TUBG2: variants seen among roughly 807,000 people sequenced by gnomAD.
The protein encoded by TUBG2 is tubulin gamma-2 chain.
In TUBG2, 39 loss-of-function variants were observed where a neutral mutation model predicts 55.1. That is an observed-to-expected ratio of 0.71 (90% CI 0.55 to 0.93). The LOEUF is 0.93. Ranked by LOEUF, TUBG2 falls within the 40% of genes least tolerant of loss-of-function variation. The probability of loss-of-function intolerance (pLI) is 0.00; values close to 1 mark genes in which losing one functional copy is unlikely to be tolerated. For synonymous variants in TUBG2, 223 were observed against 241.0 expected, an observed-to-expected ratio of 0.93 and a Z score of 0.69; for missense variants, 358 against 599.1, an observed-to-expected ratio of 0.60 and a Z score of 4.20.
In TUBG2 at chr17:42,666,450, G is replaced by A. The variant is rs778934593; in HGVS notation, c.1124G>A (p.Gly375Glu). 2.0e-5 allele frequency: 32 copies of A among 1,614,028 alleles called. No individual in the cohort carries two copies. The highest frequency in any genetic ancestry group is 2.6e-5 in the Non-Finnish European group (31 of 1,179,992). The change falls in exon 10 of 11, where the codon GGG becomes GAG. Residue 375 changes from glycine (G) to glutamate (E), a missense_variant. By Grantham distance (98) the Gly-to-Glu change is moderately conservative (BLOSUM62 -2). Around this residue, in one of 8 missense-constraint regions of TUBG2, gnomAD observed 129 missense variants for 251.6 expected, o/e 0.51. Transcript: ENST00000251412. ...PYLPSAHRVS[G>E]LMMANHTSIS... ...CTGCCCTCGGCCCACCGGGTCAGCGGGCTCATGATGGCCAACCACACCAGC... is the reference window on the plus strand; with the variant it reads ...CTGCCCTCGGCCCACCGGGTCAGCGAGCTCATGATGGCCAACCACACCAGC...
intron 6 of TUBG2, 104 bp from the exon 7 acceptor site, chr17:42,665,372 C>T (rs1288072915): frequency 2.8e-5 from 44 of 1,568,026 alleles, no homozygotes; most frequent in Non-Finnish European, 3.5e-5. Context: ...TTTAAACTAA[C>T]AAACCTACTT....
chr17:42,663,703 G>T (rs890211841), intron 6 of TUBG2, among the ~76,000 whole-genome samples, 200 bp downstream of exon 6: 2 of 152,138 alleles, frequency 1.3e-5, no homozygotes, highest in African/African-American at 4.8e-5. Flanking sequence ...CAGCACTTTG[G>T]GAGGCTGAGA....
intron 5 of TUBG2, 33 bp from the exon 6 acceptor site, chr17:42,663,344 G>T (rs372444492): frequency 6.2e-7 from 1 of 1,613,080 alleles, no homozygotes; most frequent in Non-Finnish European, 8.5e-7. Context: ...GGGTCCTTCC[G>T]GTTCACTATG....
At chr17:42,660,418 A>C in intron 3 of TUBG2, 102 bp downstream of exon 3, 5 of 1,563,528 alleles carry the variant, frequency 3.2e-6, no homozygotes, top group Non-Finnish European at 4.4e-6. Flanking sequence ...AATAAGAGAC[A>C]AAAGGATGTC....
At position 42,659,578 on chromosome 17, in the gene TUBG2, C is replaced by CG. The variant is rs772112531; in HGVS notation, c.49+28dup. 95 of 1,540,700 alleles carry CG rather than the reference C, an allele frequency of 6.2e-5. No homozygotes were observed. The African/African-American group carries it at 1.3e-3, about 21-fold the overall frequency. On this transcript the variant is annotated intron_variant, in intron 1 of 10. Coordinates refer to ENST00000251412, the MANE Select transcript of TUBG2 (RefSeq NM_016437.3). The stretch of plus-strand genomic sequence containing the variant: ...GTGAGCAAGCGAGCGCCGGCCCCGC[C>CG]GGTCTCTGGTTCTGCCCCTTCGGGT...
chr17:42,663,492 G>T lies in TUBG2; in HGVS notation c.595G>T (p.Ala199Ser). Residue 199 changes from alanine to serine, a missense_variant, in exon 6 of 11, where the codon GCA (alanine) becomes TCA (serine). Ala to Ser is a moderately conservative substitution (Grantham distance 99). This residue lies in a region of TUBG2 where 52 missense variants were observed against 53.8 expected (regional missense o/e 0.97). Transcript: ENST00000251412. ...GACACTCAAGAGGCTGACGCAGAAC[G>T]CAGATTGTGTGGTGAGCAAAGAAAG... ...LLTLKRLTQN[A>S]DCVVVLDNTA... 1 of 1,613,928 alleles carries T rather than the reference G, an allele frequency of 6.2e-7. No homozygotes were observed. Among genetic ancestry groups the T allele is most frequent in the East Asian group, 2.2e-5 (1 of 44,878 alleles).
At position 42,663,389 on chromosome 17, in the gene TUBG2, G is replaced by A. The variant is rs1567947090; in HGVS notation, c.492G>A (p.Lys164=). The A allele has an allele frequency of 6.2e-7, 1 of 1,614,136 alleles. No individual in the cohort carries two copies. The highest frequency in any genetic ancestry group is 8.5e-7 in the Non-Finnish European group (1 of 1,180,014). ...TCTTTTCTCTCAGGTACCCCAAGAA[G>A]CTAGTGCAGACTTATTCAGTGTTTC... ...LERLNDRYPK[K]LVQTYSVFPY... The change falls in exon 6 of 11, where the codon AAG becomes AAA. Residue 164 remains lysine, a synonymous_variant. Coordinates refer to ENST00000251412, the MANE Select transcript of TUBG2 (RefSeq NM_016437.3).
At position 42,665,921 on chromosome 17, in the gene TUBG2, G is replaced by A. The variant is rs921204712; in HGVS notation, c.843+94G>A. On this transcript the variant is annotated intron_variant, in intron 8 of 10. Coordinates refer to ENST00000251412, the MANE Select transcript of TUBG2 (RefSeq NM_016437.3). ...TCTCTTCCCCACTGCCCCAGGAGCT[G>A]CCCTTTGCAGGCCCCAAGGCACTGC... 6.6e-5 allele frequency: 105 copies of A among 1,592,976 alleles called. No homozygotes were observed. The South Asian group carries it at 1.0e-3, about 15-fold the overall frequency.
chr17:42,661,195 A>T (rs568817812), intron 4 of TUBG2: 2 of 162,244 alleles, frequency 1.2e-5, no homozygotes, highest in African/African-American at 4.8e-5. Context: ...TTGGTTTCTG[A>T]AACAGCTCCA....
chr17:42,660,640 G>T lies in TUBG2; in HGVS notation c.332G>T (p.Gly111Val). Residue 111 changes from glycine (G) to valine (V), a missense_variant and splice_region_variant, in exon 4 of 11, where the codon GGT (glycine) becomes GTT (valine). Transcript: ENST00000251412. The stretch of plus-strand genomic sequence containing the variant: ...CTCCCTTTCCATATCTCTATACAGG[G>T]TGAGAAAATTCATGAAGACATCTTT... ...GNNWASGFSQ[G>V]EKIHEDIFDI... 2 of 1,614,014 alleles carry T rather than the reference G, an allele frequency of 1.2e-6. No individual in the cohort carries two copies. Among genetic ancestry groups the T allele is most frequent in the African/African-American group, 1.3e-5 (1 of 75,020 alleles).
chr17:42,665,584 C>T (rs780532543), intron 7 of TUBG2, 22 bp downstream of exon 7: 2 of 1,614,174 alleles, frequency 1.2e-6, no homozygotes, highest in South Asian at 2.2e-5. Flanking sequence ...CTCCCGGACT[C>T]CTTTGGACTG....
chr17:42,666,224 G>A lies in TUBG2; in HGVS notation c.981G>A (p.Glu327=). 2 of 1,613,984 alleles carry A rather than the reference G, an allele frequency of 1.2e-6. No homozygotes were observed. Among genetic ancestry groups the A allele is most frequent in the African/African-American group, 1.3e-5 (1 of 75,056 alleles). ...CCATCCTCAACATCATCCAGGGAGA[G>A]GTGGACCCCACCCAGGTAGGGGAGG... is the stretch of plus-strand genomic sequence containing the variant. ...YIAILNIIQG[E]VDPTQVHKSL... The change falls in exon 9 of 11, where the codon GAG becomes GAA. Residue 327 remains glutamate, a synonymous_variant. Transcript: ENST00000251412.
chr17:42,663,420 C>T lies in TUBG2; in HGVS notation c.523C>T (p.Gln175Ter), dbSNP rs2052437576. 3 of 1,613,986 alleles carry T rather than the reference C, an allele frequency of 1.9e-6. No homozygotes were observed. In the East Asian group the frequency reaches 6.7e-5, roughly 36 times the overall value. Residue 175 changes from glutamine (Q) to a stop codon, truncating the protein, a stop_gained, in exon 6 of 11, where the codon CAG (glutamine) becomes TAG (stop). Transcript: ENST00000251412. LOFTEE classifies it high-confidence loss of function. ...GCAGACTTATTCAGTGTTTCCCTACCAGGACGAGATGAGCGACGTAGTGGT... is the reference window on the plus strand; with the variant it reads ...GCAGACTTATTCAGTGTTTCCCTACTAGGACGAGATGAGCGACGTAGTGGT... ...LVQTYSVFPY[Q>*]DEMSDVVVQP... is the part of the protein sequence containing the mutation.
intron 6 of TUBG2, among the ~76,000 whole-genome samples, chr17:42,665,141 G>A (rs752007447): frequency 2.6e-5 from 4 of 151,918 alleles, no homozygotes; most frequent in African/African-American, 7.3e-5. Context: ...TCCGCCTCCC[G>A]GGTTCATGCC....
At chr17:42,659,697 T>C (rs1483898632) in intron 1 of TUBG2, 137 bp from the exon 2 acceptor site, 6 of 1,360,344 alleles carry the variant, frequency 4.4e-6, no homozygotes, top group East Asian at 2.5e-5. Flanking sequence ...GAGCTGCGCC[T>C]CCAGCCCGGG....
chr17:42,664,504 C>T (rs1429435779), intron 6 of TUBG2, among the ~76,000 whole-genome samples: 3 of 152,078 alleles, frequency 2.0e-5, no homozygotes, highest in African/African-American at 7.2e-5. Context: ...ACCACGTATC[C>T]CACCTTTGCC....
rs368011473 is a variant in TUBG2 at position 42,666,484 on chromosome 17, G to A, written c.1158G>A (p.Ser386=). 6.7e-5 allele frequency: 108 copies of A among 1,613,960 alleles called. No homozygotes were observed. Among genetic ancestry groups the A allele is most frequent in the Non-Finnish European group, 8.1e-5 (96 of 1,179,984 alleles). ...LMMANHTSIS[S]LFESSCQQFD... ...TGGCCAACCACACCAGCATCTCCTCGGTGAGTCTAGGTTTCTATTCTTCTT... is the reference window on the plus strand; with the variant it reads ...TGGCCAACCACACCAGCATCTCCTCAGTGAGTCTAGGTTTCTATTCTTCTT... Residue 386 remains serine (S), a splice_region_variant and synonymous_variant, in exon 10 of 11, where the codon TCG becomes TCA. Transcript: ENST00000251412.
At chr17:42,662,514 G>A (rs915898821) in intron 4 of TUBG2, among the ~76,000 whole-genome samples, 4 of 152,056 alleles carry the variant, frequency 2.6e-5, no homozygotes, top group Non-Finnish European at 4.4e-5. Flanking sequence ...GCTGAGGCAG[G>A]AGAATGGCTC....
At position 42,666,893 on chromosome 17, in the gene TUBG2, C is replaced by G. The variant is rs935583562; in HGVS notation, c.*93C>G. ...GACCCAGCTTCACCTCATGGACAAC[C>G]CTTCTTGGTTCATCTCCAGCCCGTG... On this transcript the variant is annotated 3_prime_UTR_variant, in exon 11 of 11. Transcript: ENST00000251412. The G allele has an allele frequency of 5.2e-5, 73 of 1,398,836 alleles. No individual in the cohort carries two copies. The highest frequency in any genetic ancestry group is 2.7e-4 in the African/African-American group (19 of 70,204). The allele number at this position is 1,398,836 out of a possible 1,614,324, so 86.7% of individuals were successfully genotyped here.
Sources: allele counts gnomAD v4.1 joint callset (sites outside exome capture counted in the v4.1 genomes callset), GRCh38; gene constraint gnomAD v4.1.1; regional missense constraint gnomAD v4.1.1; transcripts MANE v1.5; gene names NCBI Gene and HGNC (gene_info 2026-07-23, HGNC 2026-07-21).